ABCG1: variants seen among roughly 807,000 people sequenced by gnomAD.
ABCG1 encodes ATP-binding cassette sub-family G member 1.
A neutral mutation model predicts 69.2 loss-of-function variants in ABCG1; 29 were observed. The ratio of observed to expected loss-of-function variants is 0.42; its 90% CI spans 0.31 to 0.57. ABCG1 has a LOEUF of 0.57. ABCG1 is among the 20% of genes least tolerant of loss of function. ABCG1 has a pLI of 0.15. For synonymous variants in ABCG1, 370 were observed against 374.8 expected (o/e 0.99, Z 0.15); for missense variants, 718 against 898.1 (o/e 0.80, Z 2.56).
At chr21:42,201,578 G>C (rs1187933070) in exon 2 of ABCG1, 1 of 1,533,260 alleles carries the variant, frequency 6.5e-7, no homozygotes, top group South Asian at 1.2e-5. Flanking sequence ...CCACCACAGC[G>C]CTACACCAAC....
At chr21:42,200,871 G>T (rs1198926427) in intron 1 of ABCG1, among the ~76,000 whole-genome samples, 2 of 152,230 alleles carry the variant, frequency 1.3e-5, no homozygotes, top group African/African-American at 4.8e-5. Context: ...TTACAGGCAT[G>T]AACCACCACG....
chr21:42,244,483 A>AGACTT lies in ABCG1; in HGVS notation c.286+18570_286+18574dup, dbSNP rs562632535. Among the ~76,000 whole-genome samples, 715 of 152,368 alleles carry AGACTT rather than the reference A, an allele frequency of 4.7e-3. 7 individuals carry two copies. Among genetic ancestry groups the AGACTT allele is most frequent in the African/African-American group, 0.016 (682 of 41,590 alleles). On this transcript the variant is annotated intron_variant, in intron 2 of 14. Transcript: ENST00000398449. Reference sequence around the variant, plus strand: ...TTGCCAATAAATTGATAAAGCTAAAAGACTTCAAAAGCTTCTCTTCTGCAC... The same window carrying AGACTT: ...TTGCCAATAAATTGATAAAGCTAAAAGACTTGACTTCAAAAGCTTCTCTTCTGCAC...
At chr21:42,277,786 G>C (rs2068736963) in intron 5 of ABCG1, among the ~76,000 whole-genome samples, 1 of 152,206 alleles carries the variant, frequency 6.6e-6, no homozygotes, top group South Asian at 2.1e-4. Flanking sequence ...TTTGTGTTCT[G>C]GTATAAAATG....
intron 2 of ABCG1, among the ~76,000 whole-genome samples, chr21:42,261,112 T>C (rs536268034): frequency 1.1e-3 from 162 of 152,190 alleles, no homozygotes; most frequent in Middle Eastern, 3.4e-3. Context: ...TGAGTCACCG[T>C]ACCCGGCCCC....
chr21:42,261,473 G>T (rs754628033), intron 2 of ABCG1, among the ~76,000 whole-genome samples: 3 of 152,122 alleles, frequency 2.0e-5, no homozygotes, highest in Non-Finnish European at 4.4e-5. Context: ...AAACTCCATC[G>T]CAGACTCCCT....
intron 6 of ABCG1, among the ~76,000 whole-genome samples, chr21:42,283,041 C>T (rs1013338980): frequency 2.6e-5 from 4 of 152,182 alleles, no homozygotes; most frequent in African/African-American, 4.8e-5. Flanking sequence ...AGGTTGAGCT[C>T]GCCTGACTCC....
chr21:42,283,799 G>GA (rs202136882), intron 6 of ABCG1, among the ~76,000 whole-genome samples: 3 of 82,552 alleles, frequency 3.6e-5, no homozygotes, highest in African/African-American at 1.7e-4. Context: ...GATGAGTGGG[G>GA]ACCCCCCCAC....
Position 42,288,456 on chromosome 21 carries a change from C to G in ABCG1, c.1224+144C>G. On this transcript the variant is annotated intron_variant, in intron 10 of 14. Transcript: ENST00000398449. This position sits in a 1 kb window ranked among gnomAD's most constrained non-coding sequence, Gnocchi z 4.8. Reference sequence around the variant, plus strand: ...GGCATGGTGACTCATGTCTGTAACCCCAGCACTTTGGGAGGCCAAGGCAGG... The same window carrying G: ...GGCATGGTGACTCATGTCTGTAACCGCAGCACTTTGGGAGGCCAAGGCAGG... The G allele has an allele frequency of 1.5e-6, 1 of 676,048 alleles. No homozygotes were observed. The highest frequency in any genetic ancestry group is 2.7e-5 in the East Asian group (1 of 36,378). 41.9% of individuals were successfully genotyped at this position (676,048 alleles called of 1,614,324 possible).
chr21:42,279,186 T>C (rs544048835), intron 5 of ABCG1, among the ~76,000 whole-genome samples: 3 of 151,838 alleles, frequency 2.0e-5, no homozygotes, highest in Non-Finnish European at 4.4e-5. Flanking sequence ...GGGGCGGCTG[T>C]GGGGGCTCCA....
At chr21:42,256,517 T>C in intron 2 of ABCG1, 1 of 1,549,598 alleles carries the variant, frequency 6.5e-7, no homozygotes, top group Non-Finnish European at 8.7e-7. Context: ...CCTGCGTGCC[T>C]GGGTGATGAG....
chr21:42,283,453 G>A (rs1004525727), intron 6 of ABCG1, among the ~76,000 whole-genome samples: 6 of 152,196 alleles, frequency 3.9e-5, no homozygotes, highest in Non-Finnish European at 7.4e-5. Flanking sequence ...TAGGAAAGGA[G>A]AAGAGAGGTC....
chr21:42,211,920 A>AAACAAT (rs1298791652), upstream of ABCG1, among the ~76,000 whole-genome samples: 2 of 151,978 alleles, frequency 1.3e-5, no homozygotes, highest in Non-Finnish European at 2.9e-5. Flanking sequence ...AAACAAAACA[A>AAACAAT]AACAATAACA....
chr21:42,286,114 T>C, intron 8 of ABCG1, 120 bp downstream of exon 8: 1 of 714,172 alleles, frequency 1.4e-6, no homozygotes, highest in Non-Finnish European at 2.5e-6. Flanking sequence ...AGCTCAAGTG[T>C]CATCCAGTTA....
Position 42,219,349 on chromosome 21 carries a change from A to G in ABCG1, c.42+45A>G. On this transcript the variant is annotated intron_variant, in intron 1 of 14. Coordinates refer to ENST00000398449, the MANE Select transcript of ABCG1 (RefSeq NM_016818.3). This position sits in a 1 kb window ranked among gnomAD's most constrained non-coding sequence, Gnocchi z 5.3. ...GTCCGCCGGGAACGGTTTTATTTTC[A>G]AGGAGAGCAGGAAACACACAAAGAC... 6.3e-7 allele frequency: 1 copy of G among 1,580,242 alleles called. No individual in the cohort carries two copies. Among genetic ancestry groups the G allele is most frequent in the Non-Finnish European group, 8.6e-7 (1 of 1,167,726 alleles).
chr21:42,289,902 G>T, intron 10 of ABCG1, 148 bp from the exon 11 acceptor site: 92 of 774,838 alleles, frequency 1.2e-4, no homozygotes, highest in Middle Eastern at 3.8e-4. Context: ...GGTTTGGCTT[G>T]TTTCTCTGGA....
At chr21:42,240,674 CTGACCTCA>C (rs1366068963) in intron 2 of ABCG1, among the ~76,000 whole-genome samples, 1 of 152,260 alleles carries the variant, frequency 6.6e-6, no homozygotes, top group Non-Finnish European at 1.5e-5. Context: ...TCTCGAACTG[CTGACCTCA>C]GGTGATCCAC....
rs1569241689 is a variant in ABCG1 at position 42,291,446 on chromosome 21, C to T, written c.1495-52C>T. 1.3e-6 allele frequency: 2 copies of T among 1,575,224 alleles called. No homozygotes were observed. The highest frequency in any genetic ancestry group is 4.5e-5 in the East Asian group (2 of 44,298). Reference sequence around the variant, plus strand: ...GCTGCCCAGGAGCTTTGCTGTTGGCCTGCTGTGGTGGGAAGCGGCTGAGCC... The same window carrying T: ...GCTGCCCAGGAGCTTTGCTGTTGGCTTGCTGTGGTGGGAAGCGGCTGAGCC... On this transcript the variant is annotated intron_variant, in intron 12 of 14. Coordinates refer to ENST00000398449, the MANE Select transcript of ABCG1 (RefSeq NM_016818.3). The surrounding 1 kb of genome is among the most constrained non-coding windows in gnomAD (Gnocchi z 6.4).
In ABCG1 at chr21:42,288,432, G is replaced by A; in HGVS notation, c.1224+120G>A. 6.7e-6 allele frequency: 5 copies of A among 749,390 alleles called. No individual in the cohort carries two copies. Among genetic ancestry groups the A allele is most frequent in the Non-Finnish European group, 1.1e-5 (5 of 454,990 alleles). 46.4% of individuals were successfully genotyped at this position (749,390 alleles called of 1,614,324 possible). A position where few individuals can be genotyped will look rare whatever the true frequency, so the allele number is the denominator to read the frequency against. On this transcript the variant is annotated intron_variant, in intron 10 of 14. Coordinates refer to ENST00000398449, the MANE Select transcript of ABCG1 (RefSeq NM_016818.3). This position sits in a 1 kb window ranked among gnomAD's most constrained non-coding sequence, Gnocchi z 4.8. ...GCTATAAAGAAATTCATGAGGCCAG[G>A]CATGGTGACTCATGTCTGTAACCCC...
At chr21:42,214,680 C>T (rs1413447990), upstream of ABCG1, among the ~76,000 whole-genome samples, 1 of 152,240 alleles carries the variant, frequency 6.6e-6, no homozygotes, top group Non-Finnish European at 1.5e-5. Flanking sequence ...GCCCTCTTTC[C>T]TACTTACACT....
Sources: allele counts gnomAD v4.1 joint callset (sites outside exome capture counted in the v4.1 genomes callset), GRCh38; gene constraint gnomAD v4.1.1; non-coding constraint Gnocchi (gnomAD v3.1); transcripts MANE v1.5; gene names NCBI Gene and HGNC (gene_info 2026-07-23, HGNC 2026-07-21).